The following SUSD5 variants were observed in gnomAD, a reference collection of about 807,000 sequenced individuals.
The protein encoded by SUSD5 is sushi domain-containing protein 5.
In SUSD5, 33 loss-of-function variants were observed where a neutral mutation model predicts 29.5. That is an observed-to-expected ratio of 1.12 (90% CI 0.85 to 1.49). The LOEUF (loss-of-function observed/expected upper bound fraction) is 1.49, where lower values mean the gene tolerates loss of function less well. Ranked by LOEUF, SUSD5 falls within the 40% of genes most tolerant of loss-of-function variation. The pLI, the probability that SUSD5 is intolerant of heterozygous loss-of-function variation, is 0.00. For synonymous variants in SUSD5, 308 were observed against 325.3 expected (o/e 0.95, Z 0.57); for missense variants, 776 against 800.6 (o/e 0.97, Z 0.37).
In SUSD5 at chr3:33,170,215, G is replaced by A. The variant is rs376809632; in HGVS notation, c.598+4671C>T. On this transcript the variant is annotated intron_variant, in intron 4 of 4. Coordinates refer to ENST00000309558, the MANE Select transcript of SUSD5 (RefSeq NM_015551.2). ...ATTACAGGCATGAGCCACCGCGCCC[G>A]GCCGCATCAGGACTTTTCTGTAATT... Among the ~76,000 whole-genome samples, 22 of 152,262 alleles carry A rather than the reference G, an allele frequency of 1.4e-4. No homozygotes were observed. The East Asian group carries it at 2.1e-3, about 15-fold the overall frequency.
In SUSD5 at chr3:33,151,704, T is replaced by C. The variant is rs1234316072; in HGVS notation, c.*1038A>G. On this transcript the variant is annotated 3_prime_UTR_variant, in exon 5 of 5. Transcript: ENST00000309558. ...TCAAGGACAACTAGGCCACTGCTTC[T>C]GAGAGGAAATGGTACTTACTGGTAC... 6.6e-6 allele frequency: 1 copy of C among 152,220 alleles called. No homozygotes were observed. The highest frequency in any genetic ancestry group is 1.5e-5 in the Non-Finnish European group (1 of 68,040). 9.4% of individuals were successfully genotyped at this position (152,220 alleles called of 1,614,324 possible).
rs575393035 is a variant in SUSD5, at chr3:33,180,887, T to C, written c.410-5813A>G. 4.6e-5 allele frequency among the ~76,000 whole-genome samples: 7 copies of C among 151,224 alleles called. No homozygotes were observed. The South Asian group carries it at 1.3e-3, about 27-fold the overall frequency. On this transcript the variant is annotated intron_variant, in intron 3 of 4. Coordinates refer to ENST00000309558, the MANE Select transcript of SUSD5 (RefSeq NM_015551.2). ...TTTGTAGACATAGGGTCTTACTATG[T>C]TGCCCAGGTTGTTCTTTAACTCCTG...
intron 2 of SUSD5, among the ~76,000 whole-genome samples, chr3:33,213,343 G>T (rs961745475): frequency 3.3e-5 from 5 of 152,150 alleles, no homozygotes; most frequent in African/African-American, 1.2e-4. Context: ...TGTTGAGGCT[G>T]CAGTGAGCTA....
chr3:33,207,680 G>T, intron 3 of SUSD5, 128 bp downstream of exon 3: 1 of 594,066 alleles, frequency 1.7e-6, no homozygotes. Flanking sequence ...GCTTTTCTTT[G>T]GAAGACTTCC....
intron 3 of SUSD5, among the ~76,000 whole-genome samples, chr3:33,198,769 T>C (rs776053654): frequency 4.9e-4 from 75 of 152,146 alleles, no homozygotes; most frequent in Admixed American, 8.5e-4. Flanking sequence ...TCTGGTCTCA[T>C]CTCCCAGACC....
At chr3:33,160,135 A>T (rs532443161) in intron 4 of SUSD5, among the ~76,000 whole-genome samples, 1 of 152,216 alleles carries the variant, frequency 6.6e-6, no homozygotes, top group Admixed American at 6.5e-5. Flanking sequence ...ACCCAGACTT[A>T]AAAAAATTGT....
At chr3:33,189,607 T>C (rs1392582151) in intron 3 of SUSD5, among the ~76,000 whole-genome samples, 2 of 152,122 alleles carry the variant, frequency 1.3e-5, no homozygotes, top group Non-Finnish European at 2.9e-5. Context: ...CCCTCACCAA[T>C]GACAACCATT....
intron 4 of SUSD5, among the ~76,000 whole-genome samples, chr3:33,162,035 G>A (rs1345816176): frequency 1.3e-5 from 2 of 152,110 alleles, no homozygotes; most frequent in Non-Finnish European, 2.9e-5. Flanking sequence ...TTCTTTTCAA[G>A]TGCACATAGA....
intron 4 of SUSD5, among the ~76,000 whole-genome samples, chr3:33,164,031 G>A (rs886712822): frequency 1.6e-4 from 24 of 151,844 alleles, no homozygotes; most frequent in Admixed American, 1.1e-3. Context: ...AAAATTACCC[G>A]GGTGTGGTTG....
chr3:33,213,878 T>G, intron 2 of SUSD5, 50 bp downstream of exon 2: 3 of 1,546,550 alleles, frequency 1.9e-6, no homozygotes, highest in Non-Finnish European at 2.6e-6. Flanking sequence ...TATATAAGCC[T>G]TGGTGGTGCA....
chr3:33,178,445 TGTTG>T (rs796276234), intron 3 of SUSD5, among the ~76,000 whole-genome samples: 2,022 of 126,566 alleles, frequency 0.016, 39 homozygotes, highest in East Asian at 0.1. Context: ...GTTTTTTTTT[TGTTG>T]TTGTTTTGTT....
Position 33,153,397 on chromosome 3 carries a change from G to A in SUSD5, c.1235C>T (p.Pro412Leu), listed in dbSNP as rs772884826. The change falls in exon 5 of 5, where the codon CCC (proline) becomes CTC (leucine). Residue 412 changes from proline to leucine, a missense_variant. Transcript: ENST00000309558. ...GGGCTTCTTAACTTCCACAAGAATG[G>A]GCTGATCAGGAGTAACTAGGACGTT... ...DENVLVTPDQ[P>L]ILVEVKKPKS... 6 of 1,613,760 alleles carry A rather than the reference G, an allele frequency of 3.7e-6. No homozygotes were observed. The highest frequency in any genetic ancestry group is 1.6e-4 in the Middle Eastern group (1 of 6,062).
At chr3:33,206,663 C>T (rs1258294271) in intron 3 of SUSD5, among the ~76,000 whole-genome samples, 4 of 152,060 alleles carry the variant, frequency 2.6e-5, no homozygotes, top group Non-Finnish European at 5.9e-5. Flanking sequence ...TTACTTTTAC[C>T]AACTCCTCTG....
chr3:33,185,693 C>G (rs754492861), intron 3 of SUSD5, among the ~76,000 whole-genome samples: 29 of 152,208 alleles, frequency 1.9e-4, no homozygotes, highest in Non-Finnish European at 3.7e-4. Context: ...TCCTGACATG[C>G]TGGGCCAGAA....
At chr3:33,160,141 A>G (rs2031149549) in intron 4 of SUSD5, among the ~76,000 whole-genome samples, 1 of 152,166 alleles carries the variant, frequency 6.6e-6, no homozygotes, top group South Asian at 2.1e-4. Context: ...ACTTAAAAAA[A>G]TTGTTTTATG....
chr3:33,204,045 G>T lies in SUSD5; in HGVS notation c.409+3763C>A, dbSNP rs571359789. Among the ~76,000 whole-genome samples, 70 of 152,154 alleles carry T rather than the reference G, an allele frequency of 4.6e-4. No homozygotes were observed. The highest frequency in any genetic ancestry group is 1.6e-3 in the African/African-American group (65 of 41,504). On this transcript the variant is annotated intron_variant, in intron 3 of 4. Coordinates refer to ENST00000309558, the MANE Select transcript of SUSD5 (RefSeq NM_015551.2). The surrounding 1 kb of genome is among the most constrained non-coding windows in gnomAD (Gnocchi z 4.5). ...TTCTCTCACCTCAGCCTCCAGAGTA[G>T]CTGGGAATACAGGGTGCGCCACCAT...
chr3:33,152,993 G>C lies in SUSD5; in HGVS notation c.1639C>G (p.Pro547Ala), dbSNP rs1014023314. 3.7e-6 allele frequency: 6 copies of C among 1,613,834 alleles called. No homozygotes were observed. Among genetic ancestry groups the C allele is most frequent in the Non-Finnish European group, 4.2e-6 (5 of 1,179,810 alleles). The change falls in exon 5 of 5, where the codon CCC becomes GCC. Residue 547 changes from proline to alanine, a missense_variant. Coordinates refer to ENST00000309558, the MANE Select transcript of SUSD5 (RefSeq NM_015551.2). ...LSEDFFGQEG[P>A]GPGASEELHP... ...AGCTCCTCACTTGCACCTGGCCCGGGGCCTTCCTGTCCAAAGAAGTCTTCA... is the reference window on the plus strand; with the variant it reads ...AGCTCCTCACTTGCACCTGGCCCGGCGCCTTCCTGTCCAAAGAAGTCTTCA...
intron 3 of SUSD5, among the ~76,000 whole-genome samples, chr3:33,188,800 G>C (rs1355551159): frequency 6.6e-6 from 1 of 152,084 alleles, no homozygotes; most frequent in Admixed American, 6.6e-5. Context: ...ATCATGACTG[G>C]GTGTTGATTA....
At chr3:33,212,796 G>A (rs546309454) in intron 2 of SUSD5, among the ~76,000 whole-genome samples, 8 of 152,206 alleles carry the variant, frequency 5.3e-5, no homozygotes, top group African/African-American at 1.7e-4. Context: ...AGACAGATGC[G>A]GCATGGATTT....
Sources: allele counts gnomAD v4.1 joint callset (sites outside exome capture counted in the v4.1 genomes callset), GRCh38; gene constraint gnomAD v4.1.1; non-coding constraint Gnocchi (gnomAD v3.1); transcripts MANE v1.5; gene names NCBI Gene and HGNC (gene_info 2026-07-23, HGNC 2026-07-21).